CPA6: variants seen among roughly 807,000 people sequenced by gnomAD.
CPA6 encodes carboxypeptidase A6.
CPA6 carries 58 observed loss-of-function variants against 63.3 expected under a neutral mutation model. The ratio of observed to expected loss-of-function variants is 0.92; its 90% CI spans 0.74 to 1.14. CPA6 has a LOEUF of 1.14. CPA6 is among the 50% of genes most tolerant of loss of function. The probability of loss-of-function intolerance (pLI) is 0.00; values close to 1 mark genes in which losing one functional copy is unlikely to be tolerated. For synonymous variants in CPA6, 185 were observed against 179.0 expected, an observed-to-expected ratio of 1.03 and a Z score of -0.27; for missense variants, 565 against 526.6, an observed-to-expected ratio of 1.07 and a Z score of -0.71.
At chr8:67,735,125 C>A (rs1321597623) in intron 1 of CPA6, 2 of 152,038 alleles carry the variant, frequency 1.3e-5, no homozygotes, top group African/African-American at 4.8e-5. Context: ...GTGTGTTGAC[C>A]TAATATACTT....
intron 8 of CPA6, among the ~76,000 whole-genome samples, chr8:67,467,514 C>T (rs994402953): frequency 3.3e-5 from 5 of 152,150 alleles, no homozygotes; most frequent in African/African-American, 1.2e-4. Context: ...GAAACAGAGT[C>T]ATCCTGGATA....
intron 8 of CPA6, among the ~76,000 whole-genome samples, chr8:67,477,320 A>G (rs1043444361): frequency 4.0e-5 from 6 of 151,666 alleles, no homozygotes; most frequent in Non-Finnish European, 1.5e-5. Flanking sequence ...GGAAAAAAAA[A>G]AAAGCATAAC....
intron 2 of CPA6, among the ~76,000 whole-genome samples, chr8:67,524,151 G>A (rs569610280): frequency 2.6e-5 from 4 of 152,166 alleles, no homozygotes; most frequent in Non-Finnish European, 4.4e-5. Flanking sequence ...TTGGATCTTC[G>A]TTTAGGATCT....
chr8:67,632,979 T>C (rs754763831), intron 1 of CPA6, among the ~76,000 whole-genome samples: 1 of 152,256 alleles, frequency 6.6e-6, no homozygotes, highest in African/African-American at 2.4e-5. Flanking sequence ...CTTATTTTTC[T>C]GATGAATTTG....
chr8:67,483,959 G>A (rs1811416475), intron 7 of CPA6, 101 bp from the exon 8 acceptor site: 3 of 971,178 alleles, frequency 3.1e-6, no homozygotes, highest in Non-Finnish European at 4.9e-6. Context: ...CCACTGAGGG[G>A]AGAGTTCTCC....
chr8:67,446,634 T>G (rs1414686023), intron 8 of CPA6, among the ~76,000 whole-genome samples: 1 of 152,250 alleles, frequency 6.6e-6, no homozygotes, highest in East Asian at 1.9e-4. Context: ...ACTTGACAGT[T>G]GCAGTTGAAT....
intron 2 of CPA6, among the ~76,000 whole-genome samples, chr8:67,614,152 G>A (rs2128985524): frequency 6.6e-6 from 1 of 152,306 alleles, no homozygotes; most frequent in Non-Finnish European, 1.5e-5. Flanking sequence ...GCTGCAGATG[G>A]CAAAGCTGAA....
intron 8 of CPA6, among the ~76,000 whole-genome samples, chr8:67,458,710 T>C (rs987309618): frequency 6.6e-6 from 1 of 152,084 alleles, no homozygotes; most frequent in Non-Finnish European, 1.5e-5. Flanking sequence ...AACTCAGTAA[T>C]AAGAAAACAA....
At chr8:67,423,495 T>C (rs1371297014) in intron 10 of CPA6, among the ~76,000 whole-genome samples, 1 of 152,234 alleles carries the variant, frequency 6.6e-6, no homozygotes, top group Non-Finnish European at 1.5e-5. Context: ...TTCTGGTAGT[T>C]TCATTTGATT....
intron 1 of CPA6, among the ~76,000 whole-genome samples, chr8:67,633,403 C>T (rs1244984340): frequency 2.0e-5 from 3 of 151,916 alleles, no homozygotes; most frequent in East Asian, 1.9e-4. Flanking sequence ...TTTTCTGGGC[C>T]GGGCGCGTTG....
In CPA6 at chr8:67,434,163, C is replaced by T. The variant is rs147046973; in HGVS notation, c.916G>A (p.Val306Ile). 222 of 1,614,104 alleles carry T rather than the reference C, an allele frequency of 1.4e-4. 1 individual carries two copies. The African/African-American group carries it at 2.7e-3, about 20-fold the overall frequency. Residue 306 changes from valine to isoleucine, a missense_variant, in exon 9 of 11, where the codon GTA (valine) becomes ATA (isoleucine). Coordinates refer to ENST00000297770, the MANE Select transcript of CPA6 (RefSeq NM_020361.5). ...FPESEPEVKA[V>I]ANFLRKHRKH... ...CTGTGTTTTCGAAGGAAGTTAGCTACAGCCTTCACTTCCGGCTCAGATTCT... is the reference window on the plus strand; with the variant it reads ...CTGTGTTTTCGAAGGAAGTTAGCTATAGCCTTCACTTCCGGCTCAGATTCT...
At chr8:67,474,780 A>G (rs1811137814) in intron 8 of CPA6, among the ~76,000 whole-genome samples, 1 of 152,094 alleles carries the variant, frequency 6.6e-6, no homozygotes, top group Non-Finnish European at 1.5e-5. Flanking sequence ...ACTTGAGACC[A>G]GCCTGGGCAA....
At chr8:67,577,008 C>G (rs898135510) in intron 2 of CPA6, among the ~76,000 whole-genome samples, 2 of 152,036 alleles carry the variant, frequency 1.3e-5, no homozygotes, top group African/African-American at 4.8e-5. Context: ...GAATTACAGG[C>G]GCCTGCTACC....
intron 1 of CPA6, among the ~76,000 whole-genome samples, chr8:67,663,008 C>T (rs908287318): frequency 6.6e-6 from 1 of 152,100 alleles, no homozygotes; most frequent in African/African-American, 2.4e-5. Context: ...AGTGAGGCTG[C>T]GGGCCACTGT....
chr8:67,541,787 G>A (rs977745995), intron 2 of CPA6, among the ~76,000 whole-genome samples: 13 of 152,168 alleles, frequency 8.5e-5, no homozygotes, highest in African/African-American at 2.2e-4. Context: ...TGGGTGAGGC[G>A]ACAGCCCACC....
intron 1 of CPA6, among the ~76,000 whole-genome samples, chr8:67,672,654 C>T (rs146798207): frequency 2.2e-4 from 33 of 152,222 alleles, no homozygotes; most frequent in South Asian, 2.1e-4. Context: ...GACAAAAACC[C>T]GGAACAATTT....
chr8:67,529,431 C>G (rs1053296144), intron 2 of CPA6, among the ~76,000 whole-genome samples: 18 of 152,052 alleles, frequency 1.2e-4, no homozygotes, highest in African/African-American at 3.9e-4. Flanking sequence ...GGAATCAGTA[C>G]CACTGAGGAG....
At chr8:67,510,611 C>G (rs1271474908) in intron 4 of CPA6, among the ~76,000 whole-genome samples, 16 of 152,126 alleles carry the variant, frequency 1.1e-4, no homozygotes, top group Non-Finnish European at 2.9e-5. Context: ...GAGTTGTTAT[C>G]AAGAGAACCA....
At chr8:67,532,020 C>T (rs1812487364) in intron 2 of CPA6, among the ~76,000 whole-genome samples, 1 of 152,042 alleles carries the variant, frequency 6.6e-6, no homozygotes, top group African/African-American at 2.4e-5. Context: ...AGAGACATTC[C>T]TGACCTTAAA....
Sources: allele counts gnomAD v4.1 joint callset (sites outside exome capture counted in the v4.1 genomes callset), GRCh38; gene constraint gnomAD v4.1.1; transcripts MANE v1.5; gene names NCBI Gene and HGNC (gene_info 2026-07-23, HGNC 2026-07-21).